The following DTNA variants were observed in gnomAD, a reference collection of about 807,000 sequenced individuals.
DTNA encodes dystrobrevin alpha, also known as dystrophin-related protein 3.
Under a neutral mutation model 100.7 loss-of-function variants are expected in DTNA, and 43 were observed. The ratio of observed to expected loss-of-function variants is 0.43; its 90% CI spans 0.33 to 0.55. The LOEUF is 0.55. Among genes scored for constraint, DTNA ranks in the 20% least tolerant of loss-of-function variants. DTNA has a pLI of 0.04. For missense variants in DTNA, 798 were observed against 953.9 expected (o/e 0.84, Z 2.15); for synonymous variants, 349 against 347.9 (o/e 1.00, Z -0.04).
intron 1 of DTNA, among the ~76,000 whole-genome samples, chr18:34,517,460 C>CGTGTGTGTGTGT (rs1199695756): frequency 0.078 from 11,651 of 148,908 alleles, 878 homozygotes; most frequent in African/African-American, 0.2. Context: ...TTTATATACA[C>CGTGTGTGTGTGT]GTGTGTGTGT....
At chr18:34,634,076 T>G (rs1253179984) in intron 1 of DTNA, among the ~76,000 whole-genome samples, 1 of 152,240 alleles carries the variant, frequency 6.6e-6, no homozygotes, top group Non-Finnish European at 1.5e-5. Context: ...CTATCTGGTG[T>G]ATTTTAAGTC....
At chr18:34,735,025 A>G (rs1178454094) in intron 1 of DTNA, among the ~76,000 whole-genome samples, 1 of 152,120 alleles carries the variant, frequency 6.6e-6, no homozygotes, top group East Asian at 1.9e-4. Context: ...GTTGTCTAGA[A>G]GGACAGAACT....
At chr18:34,814,063 A>G (rs973883394) in intron 6 of DTNA, among the ~76,000 whole-genome samples, 4 of 152,136 alleles carry the variant, frequency 2.6e-5, no homozygotes, top group African/African-American at 9.7e-5. Context: ...TATAAAGTTC[A>G]TAGCTAGTGA....
chr18:34,803,269 C>T (rs9953658), intron 4 of DTNA, among the ~76,000 whole-genome samples: 3,846 of 152,012 alleles, frequency 0.025, 170 homozygotes, highest in African/African-American at 0.087. Context: ...TTCGGCTGCC[C>T]TCCACTTGGT....
chr18:34,783,309 T>C (rs2094402481), intron 3 of DTNA, among the ~76,000 whole-genome samples: 1 of 152,206 alleles, frequency 6.6e-6, no homozygotes, highest in Non-Finnish European at 1.5e-5. Context: ...TAAGGAATAC[T>C]GAATACCTTT....
At chr18:34,526,368 A>G (rs1372646615) in intron 1 of DTNA, among the ~76,000 whole-genome samples, 1 of 152,144 alleles carries the variant, frequency 6.6e-6, no homozygotes, top group Admixed American at 6.6e-5. Context: ...CTAGACCCAC[A>G]TTGACTGATC....
At chr18:34,559,738 G>C (rs1030436431) in intron 1 of DTNA, among the ~76,000 whole-genome samples, 24 of 152,296 alleles carry the variant, frequency 1.6e-4, no homozygotes, top group Admixed American at 1.5e-3. Flanking sequence ...ACTAAGGAAA[G>C]CCAGTTTCCA....
At chr18:34,592,589 A>C (rs2049862883) in intron 1 of DTNA, among the ~76,000 whole-genome samples, 2 of 150,902 alleles carry the variant, frequency 1.3e-5, no homozygotes, top group Non-Finnish European at 2.9e-5. Context: ...TGTTTTTTGC[A>C]CTCTCTCCTG....
chr18:34,748,701 A>G (rs995804599), intron 1 of DTNA, among the ~76,000 whole-genome samples: 2 of 152,116 alleles, frequency 1.3e-5, no homozygotes, highest in African/African-American at 4.8e-5. Context: ...CTGTTTTGGT[A>G]ATGATAGTCT....
chr18:34,761,085 CTCTT>C (rs1183830814), intron 2 of DTNA, among the ~76,000 whole-genome samples: 2 of 151,890 alleles, frequency 1.3e-5, no homozygotes, highest in Non-Finnish European at 2.9e-5. Flanking sequence ...CAGTATCTCT[CTCTT>C]TCTCTCTCTC....
At chr18:34,505,758 A>G (rs11664546) in intron 1 of DTNA, among the ~76,000 whole-genome samples, 32,340 of 152,088 alleles carry the variant, frequency 0.21, 3,765 homozygotes, top group Non-Finnish European at 0.27. Flanking sequence ...TAATCATTCA[A>G]TTGAAATGTT....
At chr18:34,677,660 G>A (rs1270688806) in intron 1 of DTNA, among the ~76,000 whole-genome samples, 1 of 152,034 alleles carries the variant, frequency 6.6e-6, no homozygotes, top group Non-Finnish European at 1.5e-5. Flanking sequence ...CAGATACATA[G>A]GTCTAATCTA....
intron 1 of DTNA, among the ~76,000 whole-genome samples, chr18:34,494,360 G>A (rs1601049999): frequency 1.3e-5 from 2 of 151,588 alleles, no homozygotes; most frequent in South Asian, 2.1e-4. Flanking sequence ...CCGGGCCCCG[G>A]GGACGGGGGG....
At chr18:34,638,713 C>T (rs2058924435) in intron 1 of DTNA, among the ~76,000 whole-genome samples, 1 of 152,154 alleles carries the variant, frequency 6.6e-6, no homozygotes, top group Non-Finnish European at 1.5e-5. Context: ...AAATATGATA[C>T]TCATGCCCAC....
chr18:34,510,069 TTG>T (rs35805954), intron 1 of DTNA, among the ~76,000 whole-genome samples: 22 of 145,008 alleles, frequency 1.5e-4, no homozygotes, highest in African/African-American at 4.5e-4. Context: ...GAGTGTAATT[TTG>T]TGTGTGTGTG....
At chr18:34,565,166 G>C (rs896277914) in intron 1 of DTNA, among the ~76,000 whole-genome samples, 4 of 152,162 alleles carry the variant, frequency 2.6e-5, no homozygotes, top group African/African-American at 9.7e-5. Flanking sequence ...TGACTTGAGA[G>C]ATCTGCCTTT....
chr18:34,844,518 A>G (rs1029394386), intron 13 of DTNA, among the ~76,000 whole-genome samples: 5 of 152,156 alleles, frequency 3.3e-5, no homozygotes, highest in Non-Finnish European at 7.4e-5. Flanking sequence ...TGCCAAAGAT[A>G]GAGAATAATC....
At chr18:34,514,430 G>A (rs1426291300) in intron 1 of DTNA, among the ~76,000 whole-genome samples, 1 of 151,954 alleles carries the variant, frequency 6.6e-6, no homozygotes, top group East Asian at 1.9e-4. Context: ...GCTGACCCAG[G>A]GACCAAACTT....
chr18:34,554,538 A>T (rs1195904947), intron 1 of DTNA, among the ~76,000 whole-genome samples: 2 of 151,538 alleles, frequency 1.3e-5, no homozygotes, highest in African/African-American at 4.9e-5. Flanking sequence ...TATTATTTTG[A>T]AATATGTCCC....
Sources: gnomAD v4.1 joint callset for allele counts (sites outside exome capture counted in the v4.1 genomes callset) on GRCh38, gnomAD v4.1.1 for gene constraint, MANE v1.5 for transcripts, NCBI Gene and HGNC (gene_info 2026-07-23, HGNC 2026-07-21) for gene names.